The following PML variants were observed in gnomAD, a reference collection of about 807,000 sequenced individuals.
The protein encoded by PML is PML nuclear body scaffold.
Under a neutral mutation model 65.2 loss-of-function variants are expected in PML, and 28 were observed. The ratio of observed to expected loss-of-function variants is 0.43; its 90% confidence interval spans 0.32 to 0.59. PML has a LOEUF of 0.59. Among genes scored for constraint, PML ranks in the 20% least tolerant of loss-of-function variants. The pLI is 0.08. For missense variants in PML, 1,021 were observed against 1,203.4 expected, an observed-to-expected ratio of 0.85 and a Z score of 2.24; for synonymous variants, 500 against 508.8, an observed-to-expected ratio of 0.98 and a Z score of 0.23.
At chr15:74,033,744 G>A (rs2071422574) in intron 6 of PML, 3 of 602,682 alleles carry the variant, frequency 5.0e-6, no homozygotes, top group East Asian at 2.8e-5. Flanking sequence ...CCCAGAGAGG[G>A]CTTGGGCATA....
rs150904456 is a variant in PML, at chr15:73,998,261, C to T, written c.387C>T (p.Cys129=). 206 of 1,614,096 alleles carry T rather than the reference C, an allele frequency of 1.3e-4. No homozygotes were observed. The highest frequency in any genetic ancestry group is 1.7e-4 in the Non-Finnish European group (196 of 1,180,040). Residue 129 remains cysteine (C), a synonymous_variant, in exon 2 of 9, where the codon TGC becomes TGT. Coordinates refer to ENST00000268058, the MANE Select transcript of PML (RefSeq NM_033238.3). ...AGATTGTGGATGCGCAGGCTGTGTG[C>T]ACCCGCTGCAAAGAGTCGGCCGACT... ...YRQIVDAQAV[C]TRCKESADFW... is the part of the protein sequence containing the mutation.
At position 74,016,388 on chromosome 15, in the gene PML, C is replaced by T. The variant is rs373454784; in HGVS notation, c.603-6440C>T. ...TTCAAGTCCAGCCTGGGCAACATAGCAAGACCCTGTCTCTGAAAAAAAAAT... is the reference window on the plus strand; with the variant it reads ...TTCAAGTCCAGCCTGGGCAACATAGTAAGACCCTGTCTCTGAAAAAAAAAT... On this transcript the variant is annotated intron_variant, in intron 2 of 8. Coordinates refer to ENST00000268058, the MANE Select transcript of PML (RefSeq NM_033238.3). Among the ~76,000 whole-genome samples the T allele has an allele frequency of 2.0e-5, 3 of 152,106 alleles. No individual in the cohort carries two copies. In the East Asian group the frequency reaches 5.8e-4, roughly 29 times the overall value.
In PML at chr15:74,033,390, G is replaced by A. The variant is rs867299859; in HGVS notation, c.1633G>A (p.Val545Met). ...GGTCTTCCTGCCCAACAGCAACCACGTGGCCAGTGGCGCCGGGGAGGCAGG... is the reference window on the plus strand; with the variant it reads ...GGTCTTCCTGCCCAACAGCAACCACATGGCCAGTGGCGCCGGGGAGGCAGG... Reference protein sequence around the residue: ...SEVFLPNSNHVASGAGEAEER... With the variant: ...SEVFLPNSNHMASGAGEAEER... The change falls in exon 6 of 9, where the codon GTG (valine) becomes ATG (methionine). Residue 545 changes from valine to methionine, a missense_variant. Physicochemically the swap from Val to Met is conservative, Grantham distance 21. Transcript: ENST00000268058. 2 of 1,612,604 alleles carry A rather than the reference G, an allele frequency of 1.2e-6. No homozygotes were observed. The highest frequency in any genetic ancestry group is 1.7e-4 in the Middle Eastern group (1 of 6,056).
At position 74,035,992 on chromosome 15, in the gene PML, T is replaced by G. The variant is rs551754840; in HGVS notation, c.1710+1462T>G. On this transcript the variant is annotated intron_variant, in intron 7 of 8. Transcript: ENST00000268058. This position sits in a 1 kb window ranked among gnomAD's most constrained non-coding sequence, Gnocchi z 4.1. ...CTTGTAACCTTGCAGCCAACACCCC[T>G]GCCCGGCCCCTGAGCTGCCTCCTCC... 1.9e-5 allele frequency: 31 copies of G among 1,614,126 alleles called. No homozygotes were observed. The highest frequency in any genetic ancestry group is 2.5e-5 in the Non-Finnish European group (30 of 1,180,026).
rs1274872826 is a variant in PML, at chr15:73,994,882, C to T, written c.70C>T (p.Pro24Ser). 1.9e-6 allele frequency: 3 copies of T among 1,548,974 alleles called. No homozygotes were observed. The highest frequency in any genetic ancestry group is 1.2e-5 in the South Asian group (1 of 84,264). Residue 24 changes from proline (P) to serine (S), a missense_variant, in exon 1 of 9, where the codon CCT (proline) becomes TCT (serine). By Grantham distance (74) the Pro-to-Ser change is moderately conservative. Transcript: ENST00000268058. Reference protein sequence around the residue: ...DPARPQEPTMPPPETPSEGRQ... With the variant: ...DPARPQEPTMSPPETPSEGRQ... Reference sequence around the variant, plus strand: ...CGCCCGGCCCCAGGAGCCCACCATGCCTCCCCCCGAGACCCCCTCTGAAGG... The same window carrying T: ...CGCCCGGCCCCAGGAGCCCACCATGTCTCCCCCCGAGACCCCCTCTGAAGG...
rs1567142659 is a variant in PML, at chr15:74,046,304, C to G, written c.*1296C>G. ...AACAGAGGCAGGTCAGGGTTGTCCG[C>G]TCTGATTAGCAGAACGACAGCCCCT... is the stretch of plus-strand genomic sequence containing the variant. On this transcript the variant is annotated 3_prime_UTR_variant, in exon 9 of 9. Transcript: ENST00000268058. 4.3e-6 allele frequency: 1 copy of G among 233,186 alleles called. No individual in the cohort carries two copies. Among genetic ancestry groups the G allele is most frequent in the African/African-American group, 2.2e-5 (1 of 45,356 alleles). The allele number at this position is 233,186 out of a possible 1,614,324, so 14.4% of individuals were successfully genotyped here. A position where few individuals can be genotyped will look rare whatever the true frequency, so the allele number is the denominator to read the frequency against.
In PML at chr15:74,044,494, C is replaced by A. The variant is rs2071748962; in HGVS notation, c.2135C>A (p.Pro712His). ...EAISGFLAAL[P>H]LIRERVPGAS... Reference sequence around the variant, plus strand: ...ATCTCGGGCTTCCTGGCTGCCCTGCCTCTCATCCGGGAGCGTGTGCCCGGG... The same window carrying A: ...ATCTCGGGCTTCCTGGCTGCCCTGCATCTCATCCGGGAGCGTGTGCCCGGG... The change falls in exon 9 of 9, where the codon CCT becomes CAT. Residue 712 changes from proline (P) to histidine (H), a missense_variant. Coordinates refer to ENST00000268058, the MANE Select transcript of PML (RefSeq NM_033238.3). 6.2e-7 allele frequency: 1 copy of A among 1,614,128 alleles called. No individual in the cohort carries two copies. The highest frequency in any genetic ancestry group is 2.2e-5 in the East Asian group (1 of 44,884).
chr15:74,039,015 T>C lies in PML; in HGVS notation c.1711-3974T>C, dbSNP rs116795547. Among the ~76,000 whole-genome samples, 1,260 of 152,314 alleles carry C rather than the reference T, an allele frequency of 8.3e-3. 13 individuals are homozygous for C. The highest frequency in any genetic ancestry group is 0.028 in the African/African-American group (1,176 of 41,556). ...TGCGCCTGCCCTGGGGCCCCTGCTT[T>C]AGGATCCAAAGTGGAAAAGATAGGT... On this transcript the variant is annotated intron_variant, in intron 7 of 8. Transcript: ENST00000268058.
Position 74,034,890 on chromosome 15 carries a change from C to T in PML, c.1710+360C>T, listed in dbSNP as rs1290561713. Reference sequence around the variant, plus strand: ...CAAGAATCCATTCCTTGGTTTATTACAGCCAGTGGGGGCCAGTGAAGGGGT... The same window carrying T: ...CAAGAATCCATTCCTTGGTTTATTATAGCCAGTGGGGGCCAGTGAAGGGGT... On this transcript the variant is annotated intron_variant, in intron 7 of 8. Coordinates refer to ENST00000268058, the MANE Select transcript of PML (RefSeq NM_033238.3). 7.0e-6 allele frequency: 10 copies of T among 1,438,760 alleles called. No individual in the cohort carries two copies. The African/African-American group carries it at 7.2e-5, about 10-fold the overall frequency. The allele number at this position is 1,438,760 out of a possible 1,614,324, so 89.1% of individuals were successfully genotyped here. A position where few individuals can be genotyped will look rare whatever the true frequency, so the allele number is the denominator to read the frequency against.
intron 2 of PML, among the ~76,000 whole-genome samples, chr15:74,002,503 G>A (rs2069819157): frequency 6.9e-6 from 1 of 145,248 alleles, no homozygotes; most frequent in Non-Finnish European, 1.5e-5. Context: ...GAGTGCAGTG[G>A]CATGATCTCG....
At chr15:74,041,751 G>A (rs528241168) in intron 7 of PML, among the ~76,000 whole-genome samples, 30 of 152,306 alleles carry the variant, frequency 2.0e-4, no homozygotes, top group African/African-American at 6.7e-4. Flanking sequence ...GTTTCACTTG[G>A]GCATTGGAAG....
At position 74,037,648 on chromosome 15, in the gene PML, C is replaced by T. The variant is rs566065174; in HGVS notation, c.1710+3118C>T. 3.5e-5 allele frequency: 34 copies of T among 985,354 alleles called. No homozygotes were observed. In the South Asian group the frequency reaches 9.9e-4, roughly 29 times the overall value. The allele number at this position is 985,354 out of a possible 1,614,324, so 61.0% of individuals were successfully genotyped here. The stretch of plus-strand genomic sequence containing the variant: ...GCCTCTGTGCCTCTAGGTGCAGTGT[C>T]GCGTTTAGTCGTTATTATTCTTGAC... On this transcript the variant is annotated intron_variant, in intron 7 of 8. Coordinates refer to ENST00000268058, the MANE Select transcript of PML (RefSeq NM_033238.3). The surrounding 1 kb of genome is among the most constrained non-coding windows in gnomAD (Gnocchi z 4.2).
At chr15:74,005,380 T>C (rs2069991453) in intron 2 of PML, among the ~76,000 whole-genome samples, 1 of 152,220 alleles carries the variant, frequency 6.6e-6, no homozygotes, top group Non-Finnish European at 1.5e-5. Context: ...TTTTTACTAC[T>C]GTTGTTATAT....
At chr15:74,025,053 G>C in intron 4 of PML, 126 bp downstream of exon 4, 1 of 720,620 alleles carries the variant, frequency 1.4e-6, no homozygotes, top group Non-Finnish European at 2.6e-6. Context: ...GGCTGGACTG[G>C]AAATTTCAGT....
Position 74,035,382 on chromosome 15 carries a change from G to T in PML, c.1710+852G>T. ...CACCCCCGATGCTGAGCCTCACAGC[G>T]AGCCTCCTGATCACCAGGAGCGCCC... On this transcript the variant is annotated intron_variant, in intron 7 of 8. Coordinates refer to ENST00000268058, the MANE Select transcript of PML (RefSeq NM_033238.3). The surrounding 1 kb of genome is among the most constrained non-coding windows in gnomAD (Gnocchi z 4.1). 6.2e-7 allele frequency: 1 copy of T among 1,611,682 alleles called. No homozygotes were observed.
chr15:74,036,859 A>G (rs2071578315), intron 7 of PML: 1 of 860,974 alleles, frequency 1.2e-6, no homozygotes, highest in African/African-American at 1.8e-5. Context: ...CCTTGCCATC[A>G]CCGAGCACTG....
At chr15:74,038,731 T>C (rs1381507988) in intron 7 of PML, among the ~76,000 whole-genome samples, 7 of 152,152 alleles carry the variant, frequency 4.6e-5, no homozygotes, top group Admixed American at 3.9e-4. Flanking sequence ...GCTCTGCAGC[T>C]TATATCCAGC....
At chr15:74,040,356 T>G (rs2071668444) in intron 7 of PML, among the ~76,000 whole-genome samples, 2 of 152,192 alleles carry the variant, frequency 1.3e-5, no homozygotes, top group Admixed American at 1.3e-4. Flanking sequence ...GTTTCCCATC[T>G]TCTTTCTTCT....
intron 4 of PML, among the ~76,000 whole-genome samples, chr15:74,029,332 T>G (rs1595909756): frequency 6.6e-6 from 1 of 152,162 alleles, no homozygotes; most frequent in Non-Finnish European, 1.5e-5. Flanking sequence ...TAAAGGAGTT[T>G]TATAAAATAG....
Sources: allele counts gnomAD v4.1 joint callset (sites outside exome capture counted in the v4.1 genomes callset), GRCh38; gene constraint gnomAD v4.1.1; non-coding constraint Gnocchi (gnomAD v3.1); transcripts MANE v1.5; gene names NCBI Gene and HGNC (gene_info 2026-07-23, HGNC 2026-07-21).